Variants in DAAM1 observed in about 807,000 individuals in gnomAD.
The protein encoded by DAAM1 is disheveled-associated activator of morphogenesis 1.
In DAAM1, 52 loss-of-function variants were observed where a neutral mutation model predicts 130.0. The observed-to-expected ratio is 0.40, with a 90% confidence interval of 0.32 to 0.50. The LOEUF (loss-of-function observed/expected upper bound fraction) is 0.50, where lower values mean the gene tolerates loss of function less well. Among genes scored for constraint, DAAM1 ranks in the 20% least tolerant of loss-of-function variants. The probability of loss-of-function intolerance (pLI) is 0.61; values close to 1 mark genes in which losing one functional copy is unlikely to be tolerated. For missense variants in DAAM1, 1,134 were observed against 1,303.8 expected (o/e 0.87, Z 2.01); for synonymous variants, 452 against 444.5 (o/e 1.02, Z -0.21).
intron 12 of DAAM1, among the ~76,000 whole-genome samples, chr14:59,328,094 C>T (rs1388657709): frequency 6.6e-6 from 1 of 152,208 alleles, no homozygotes; most frequent in East Asian, 1.9e-4. Flanking sequence ...CAATAGCATT[C>T]ACCCCAATAT....
At position 59,192,759 on chromosome 14, in the gene DAAM1, AC is replaced by A. The variant is rs368215850; in HGVS notation, c.-38+3993del. ...CAGCATCTGTTGTAGTGGTTTCAAG[AC>A]CTCAAAGTTTAGGCCGGGCGCGGTG... On this transcript the variant is annotated intron_variant, in intron 1 of 24. Transcript: ENST00000360909. Among the ~76,000 whole-genome samples the A allele has an allele frequency of 7.5e-3, 1,139 of 152,256 alleles. 20 individuals are homozygous for A. The highest frequency in any genetic ancestry group is 0.025 in the African/African-American group (1,051 of 41,558).
chr14:59,337,497 TTGTGCAAGC>T (rs1359919980), intron 15 of DAAM1, among the ~76,000 whole-genome samples: 1 of 152,210 alleles, frequency 6.6e-6, no homozygotes, highest in Non-Finnish European at 1.5e-5. Flanking sequence ...CAAATGCTGG[TTGTGCAAGC>T]TGTTGGCCCG....
At chr14:59,359,281 G>A in intron 20 of DAAM1, 116 bp from the exon 21 acceptor site, 1 of 778,642 alleles carries the variant, frequency 1.3e-6, no homozygotes, top group Non-Finnish European at 2.0e-6. Flanking sequence ...TAGCATTATT[G>A]TGGGTTCTAC....
At chr14:59,252,474 G>A (rs1471705708) in intron 1 of DAAM1, among the ~76,000 whole-genome samples, 1 of 152,134 alleles carries the variant, frequency 6.6e-6, no homozygotes, top group Non-Finnish European at 1.5e-5. Flanking sequence ...TTAAAAAAAT[G>A]CCTTTTCCCG....
intron 1 of DAAM1, among the ~76,000 whole-genome samples, chr14:59,240,261 T>C (rs1407453312): frequency 6.6e-6 from 1 of 152,196 alleles, no homozygotes; most frequent in East Asian, 1.9e-4. Flanking sequence ...TCTTTCTTTA[T>C]TGTAAAACTA....
chr14:59,207,683 C>A (rs1888305585), intron 1 of DAAM1, among the ~76,000 whole-genome samples: 1 of 152,206 alleles, frequency 6.6e-6, no homozygotes, highest in African/African-American at 2.4e-5. Flanking sequence ...CTCACGAACA[C>A]ACTGAAAAGT....
chr14:59,241,237 A>G (rs1020591278), intron 1 of DAAM1, among the ~76,000 whole-genome samples: 6 of 152,218 alleles, frequency 3.9e-5, no homozygotes. Flanking sequence ...TAAAATTACT[A>G]GGGGATTTTT....
At chr14:59,219,954 T>C (rs1485861116) in intron 1 of DAAM1, among the ~76,000 whole-genome samples, 3 of 152,210 alleles carry the variant, frequency 2.0e-5, no homozygotes, top group Non-Finnish European at 4.4e-5. Flanking sequence ...GTGCCAGCTA[T>C]AGATTATGTT....
rs1417303488 is a variant in DAAM1, at chr14:59,369,513, T to A, written c.*654T>A. 1 of 152,520 alleles carries A rather than the reference T, an allele frequency of 6.6e-6. No individual in the cohort carries two copies. Among genetic ancestry groups the A allele is most frequent in the Non-Finnish European group, 1.5e-5 (1 of 67,996 alleles). The allele number at this position is 152,520 out of a possible 1,614,324, so 9.4% of individuals were successfully genotyped here. On this transcript the variant is annotated 3_prime_UTR_variant, in exon 25 of 25. Transcript: ENST00000360909. Reference sequence around the variant, plus strand: ...AGAATGTCAATCAAGTTTTTGTATATTTAAAAGTTGGACATCAATTTTTTC... The same window carrying A: ...AGAATGTCAATCAAGTTTTTGTATAATTAAAAGTTGGACATCAATTTTTTC...
intron 1 of DAAM1, among the ~76,000 whole-genome samples, chr14:59,206,280 A>ATTTTATTTTG (rs1283696992): frequency 4.0e-5 from 6 of 151,760 alleles, no homozygotes; most frequent in African/African-American, 1.5e-4. Context: ...ATTTTATTTT[A>ATTTTATTTTG]TTTTATTTTT....
intron 1 of DAAM1, among the ~76,000 whole-genome samples, chr14:59,201,951 C>G (rs1888118505): frequency 6.6e-6 from 1 of 152,082 alleles, no homozygotes; most frequent in Admixed American, 6.5e-5. Context: ...TATTGAAGCT[C>G]TATTATATTT....
At chr14:59,255,395 T>C (rs1460346201) in intron 1 of DAAM1, among the ~76,000 whole-genome samples, 1 of 152,224 alleles carries the variant, frequency 6.6e-6, no homozygotes, top group East Asian at 1.9e-4. Context: ...GTGATTTTTT[T>C]TTTAAGCTCC....
At chr14:59,279,757 A>T (rs1488956729) in intron 2 of DAAM1, among the ~76,000 whole-genome samples, 3 of 152,194 alleles carry the variant, frequency 2.0e-5, no homozygotes, top group Non-Finnish European at 4.4e-5. Context: ...TTAAAATTTT[A>T]AAAAACACGT....
chr14:59,189,819 G>T (rs1218485678), intron 1 of DAAM1, among the ~76,000 whole-genome samples: 1 of 152,084 alleles, frequency 6.6e-6, no homozygotes, highest in Non-Finnish European at 1.5e-5. Flanking sequence ...CCCTGCTAAG[G>T]TCTCAAGTTG....
intron 1 of DAAM1, among the ~76,000 whole-genome samples, chr14:59,254,726 C>G (rs373104517): frequency 6.6e-6 from 1 of 152,172 alleles, no homozygotes; most frequent in Non-Finnish European, 1.5e-5. Flanking sequence ...AACTTCCTAA[C>G]TCGAGAACCT....
chr14:59,331,659 A>G, intron 14 of DAAM1, 151 bp downstream of exon 14: 1 of 1,500,186 alleles, frequency 6.7e-7, no homozygotes, highest in Non-Finnish European at 8.9e-7. Context: ...TAAGTGATAA[A>G]GCTTCTGAAA....
chr14:59,303,670 G>A (rs1253879042), intron 3 of DAAM1, among the ~76,000 whole-genome samples: 2 of 152,160 alleles, frequency 1.3e-5, no homozygotes. Context: ...GCCAAGGTGG[G>A]TGGATCATTT....
At position 59,280,535 on chromosome 14, in the gene DAAM1, C is replaced by CTTTTTTTTTTTTTTTTTTT. The variant is rs35354608; in HGVS notation, c.184-10677_184-10659dup. On this transcript the variant is annotated intron_variant, in intron 2 of 24. Transcript: ENST00000360909. ...TCTTCTCTACTTTCTGCACACCTTC[C>CTTTTTTTTTTTTTTTTTTT]TTTTTTTTTTTTTTTTTTTTTTTCA... 5.7e-4 allele frequency among the ~76,000 whole-genome samples: 52 copies of CTTTTTTTTTTTTTTTTTTT among 90,652 alleles called. 1 individual carries two copies. The highest frequency in any genetic ancestry group is 6.9e-4 in the Non-Finnish European group (34 of 49,304). The allele number at this position is 90,652 out of a possible 152,430, so 59.5% of individuals were successfully genotyped here.
At chr14:59,261,457 A>T (rs1430323253) in intron 1 of DAAM1, among the ~76,000 whole-genome samples, 1 of 152,164 alleles carries the variant, frequency 6.6e-6, no homozygotes, top group Non-Finnish European at 1.5e-5. Context: ...TCTCAGTATG[A>T]CCTTGCACAA....
Sources: gnomAD v4.1 joint callset for allele counts (sites outside exome capture counted in the v4.1 genomes callset) on GRCh38, gnomAD v4.1.1 for gene constraint, MANE v1.5 for transcripts, NCBI Gene and HGNC (gene_info 2026-07-23, HGNC 2026-07-21) for gene names.